The following TMC7 variants were observed in gnomAD, a reference collection of about 807,000 sequenced individuals.
TMC7 encodes transmembrane channel like 7.
TMC7 carries 54 observed loss-of-function variants against 82.9 expected under a neutral mutation model. The ratio of observed to expected loss-of-function variants is 0.65; its 90% CI spans 0.52 to 0.82. TMC7 has a LOEUF of 0.82. Among genes scored for constraint, TMC7 ranks in the 40% least tolerant of loss-of-function variants. TMC7 has a pLI of 0.00. For synonymous variants in TMC7, 350 were observed against 337.9 expected (o/e 1.04, Z -0.39); for missense variants, 820 against 901.2 (o/e 0.91, Z 1.15).
intron 9 of TMC7, among the ~76,000 whole-genome samples, chr16:19,041,608 A>T (rs1961018240): frequency 6.6e-6 from 1 of 152,022 alleles, no homozygotes; most frequent in African/African-American, 2.4e-5. Flanking sequence ...CTGACCTCAG[A>T]TGATCCACCC....
chr16:19,016,147 A>C (rs137928964), intron 2 of TMC7, among the ~76,000 whole-genome samples: 2,027 of 151,682 alleles, frequency 0.013, 37 homozygotes, highest in African/African-American at 0.045. Context: ...CCCAGGCTGG[A>C]GTGCAATGGC....
chr16:19,044,160 G>A (rs570393637), intron 9 of TMC7, among the ~76,000 whole-genome samples: 16 of 152,022 alleles, frequency 1.1e-4, no homozygotes, highest in Non-Finnish European at 2.4e-4. Flanking sequence ...GAGCCACCAC[G>A]CCCGACATTG....
chr16:19,001,532 A>C (rs1246137967), intron 1 of TMC7, among the ~76,000 whole-genome samples: 2 of 152,132 alleles, frequency 1.3e-5, no homozygotes, highest in Non-Finnish European at 2.9e-5. Flanking sequence ...ATATATGCAT[A>C]TTAACTGGGT....
intron 2 of TMC7, among the ~76,000 whole-genome samples, chr16:19,013,189 T>C (rs1404686038): frequency 1.3e-5 from 2 of 152,056 alleles, no homozygotes; most frequent in Non-Finnish European, 2.9e-5. Flanking sequence ...CTCCACCCTC[T>C]GAGGCAAGGT....
rs79539003 is a variant in TMC7 at position 19,014,610 on chromosome 16, C to T, written c.312-1840C>T. Among the ~76,000 whole-genome samples, 125 of 152,328 alleles carry T rather than the reference C, an allele frequency of 8.2e-4. 1 individual carries two copies. In the East Asian group the frequency reaches 0.023, roughly 28 times the overall value. The stretch of plus-strand genomic sequence containing the variant: ...TCTCGCCTTCAGGCCCCAGCACCTT[C>T]TCTTTCCCCTGCTCTCCTTACTCCC... On this transcript the variant is annotated intron_variant, in intron 2 of 15. Coordinates refer to ENST00000304381, the MANE Select transcript of TMC7 (RefSeq NM_024847.4).
intron 2 of TMC7, among the ~76,000 whole-genome samples, chr16:19,009,865 C>T (rs1333782207): frequency 3.4e-5 from 5 of 145,714 alleles, no homozygotes; most frequent in South Asian, 2.2e-4. Context: ...GGCGTGAACC[C>T]GGGAGGCAGA....
chr16:19,029,142 AC>A (rs895153109), intron 5 of TMC7, among the ~76,000 whole-genome samples: 1 of 151,166 alleles, frequency 6.6e-6, no homozygotes, highest in Non-Finnish European at 1.5e-5. Flanking sequence ...AGTAGCTGGG[AC>A]TACAGGCGCC....
At chr16:19,049,558 A>G (rs1195474227) in intron 12 of TMC7, 1 of 907,316 alleles carries the variant, frequency 1.1e-6, no homozygotes. Context: ...GAAATCATCA[A>G]AGGAGAGATG....
At chr16:18,986,832 T>C (rs1161402863) in intron 1 of TMC7, among the ~76,000 whole-genome samples, 1 of 151,192 alleles carries the variant, frequency 6.6e-6, no homozygotes, top group Non-Finnish European at 1.5e-5. Context: ...TGAGATGGAG[T>C]CTTACTCTGT....
chr16:19,008,215 C>T (rs2039274844), intron 1 of TMC7, among the ~76,000 whole-genome samples: 1 of 152,132 alleles, frequency 6.6e-6, no homozygotes, highest in South Asian at 2.1e-4. Context: ...AGGGATAAAA[C>T]CCATCTTGAA....
At chr16:19,034,517 G>C (rs78980084) in intron 6 of TMC7, among the ~76,000 whole-genome samples, 2,671 of 151,682 alleles carry the variant, frequency 0.018, 79 homozygotes, top group African/African-American at 0.061. Flanking sequence ...AGAATCGCTT[G>C]AACCCGGAAG....
rs35057088 is a variant in TMC7, at chr16:19,004,042, TAAAA to T, written c.68-5116_68-5113del. ...AGAATTATCAATAAAAAAATAAATT[TAAAA>T]AAAAAAAAAAAAATACCAGGGCAAG... On this transcript the variant is annotated intron_variant, in intron 1 of 15. Coordinates refer to ENST00000304381, the MANE Select transcript of TMC7 (RefSeq NM_024847.4). Among the ~76,000 whole-genome samples the T allele has an allele frequency of 4.0e-3, 336 of 83,998 alleles. 1 individual carries two copies. Among genetic ancestry groups the T allele is most frequent in the African/African-American group, 0.011 (242 of 21,208 alleles). 55.1% of individuals were successfully genotyped at this position (83,998 alleles called of 152,430 possible).
intron 3 of TMC7, among the ~76,000 whole-genome samples, chr16:19,018,265 T>C (rs959767414): frequency 6.6e-6 from 1 of 152,148 alleles, no homozygotes; most frequent in Non-Finnish European, 1.5e-5. Flanking sequence ...CCTATAATGG[T>C]GAGAATTTGG....
chr16:18,987,379 C>T (rs187250614), intron 1 of TMC7, among the ~76,000 whole-genome samples: 33 of 152,064 alleles, frequency 2.2e-4, no homozygotes, highest in Non-Finnish European at 4.4e-4. Context: ...AGCGCGATCT[C>T]GGCTCACCAC....
At chr16:19,054,587 C>T (rs1961682354) in intron 13 of TMC7, among the ~76,000 whole-genome samples, 1 of 151,592 alleles carries the variant, frequency 6.6e-6, no homozygotes, top group East Asian at 2.0e-4. Context: ...TGGTGGTGGG[C>T]GCCTGTAATC....
At chr16:19,022,440 G>T (rs1960022914) in intron 4 of TMC7, among the ~76,000 whole-genome samples, 1 of 152,164 alleles carries the variant, frequency 6.6e-6, no homozygotes, top group African/African-American at 2.4e-5. Flanking sequence ...TATAATACTG[G>T]ATTTTTGCTG....
In TMC7 at chr16:19,030,421, A is replaced by T. The variant is rs369657549; in HGVS notation, c.857+52A>T. The T allele has an allele frequency of 1.9e-6, 3 of 1,562,502 alleles. No homozygotes were observed. The African/African-American group carries it at 4.1e-5, about 21-fold the overall frequency. ...GAATTACCCCTGATGGCTGGAGGCT[A>T]TTGGAGATATGGGAGCTCTGGAAGC... On this transcript the variant is annotated intron_variant, in intron 6 of 15. Transcript: ENST00000304381.
chr16:19,009,472 T>A, intron 2 of TMC7, 57 bp downstream of exon 2: 2 of 1,543,110 alleles, frequency 1.3e-6, no homozygotes, highest in South Asian at 2.5e-5. Context: ...CAGAGGTATG[T>A]TTTGTGCGTG....
At chr16:19,031,110 C>G (rs1960495647) in intron 6 of TMC7, among the ~76,000 whole-genome samples, 1 of 152,060 alleles carries the variant, frequency 6.6e-6, no homozygotes, top group African/African-American at 2.4e-5. Context: ...AGTAAGAATC[C>G]CTCGTCTTCA....
Sources: gnomAD v4.1 joint callset for allele counts (sites outside exome capture counted in the v4.1 genomes callset) on GRCh38, gnomAD v4.1.1 for gene constraint, MANE v1.5 for transcripts, NCBI Gene and HGNC (gene_info 2026-07-23, HGNC 2026-07-21) for gene names.